GRID2: variants seen among roughly 807,000 people sequenced by gnomAD.
The protein encoded by GRID2 is glutamate ionotropic receptor delta type subunit 2.
A neutral mutation model predicts 114.8 loss-of-function variants in GRID2; 33 were observed. The observed-to-expected ratio is 0.29, with a 90% CI of 0.22 to 0.38. The LOEUF (loss-of-function observed/expected upper bound fraction) is 0.38, where lower values mean the gene tolerates loss of function less well. Ranked by LOEUF, GRID2 falls within the 10% of genes least tolerant of loss-of-function variation. The pLI is 1.00. For missense variants in GRID2, 1,184 were observed against 1,257.7 expected, an observed-to-expected ratio of 0.94 and a Z score of 0.89; for synonymous variants, 505 against 449.9, an observed-to-expected ratio of 1.12 and a Z score of -1.55.
chr4:93,058,709 C>G (rs1360072270), intron 2 of GRID2, among the ~76,000 whole-genome samples: 1 of 151,720 alleles, frequency 6.6e-6, no homozygotes, highest in Non-Finnish European at 1.5e-5. Flanking sequence ...ACTGAATTTT[C>G]TTAAGGCATC....
At chr4:93,531,461 A>G (rs1393024176) in intron 13 of GRID2, among the ~76,000 whole-genome samples, 1 of 152,172 alleles carries the variant, frequency 6.6e-6, no homozygotes, top group African/African-American at 2.4e-5. Context: ...AATTATGCAC[A>G]CAGGACAGGT....
intron 14 of GRID2, among the ~76,000 whole-genome samples, chr4:93,666,215 A>G (rs1723932352): frequency 6.6e-6 from 1 of 152,018 alleles, no homozygotes. Context: ...TGCTAGTTTT[A>G]TTGTGCTAAA....
rs567548872 is a variant in GRID2 at position 93,662,964 on chromosome 4, G to A, written c.2360+36529G>A. Among the ~76,000 whole-genome samples, 33 of 152,304 alleles carry A rather than the reference G, an allele frequency of 2.2e-4. 1 individual carries two copies. In the South Asian group the frequency reaches 6.6e-3, roughly 31 times the overall value. On this transcript the variant is annotated intron_variant, in intron 14 of 15. Coordinates refer to ENST00000282020, the MANE Select transcript of GRID2 (RefSeq NM_001510.4). ...AAAGAAGCAGTCTCCATTAATGGAA[G>A]GCAAGTCCCTTACAAGCATGTTTCT...
chr4:92,655,424 A>G (rs1187854081), intron 2 of GRID2, among the ~76,000 whole-genome samples: 6 of 151,938 alleles, frequency 3.9e-5, no homozygotes, highest in African/African-American at 1.4e-4. Context: ...TATGAAAAAT[A>G]ACTTTTGTGT....
At chr4:92,414,109 T>C (rs1731473506) in intron 1 of GRID2, among the ~76,000 whole-genome samples, 1 of 152,202 alleles carries the variant, frequency 6.6e-6, no homozygotes. Flanking sequence ...GCATCATAAG[T>C]AAGTTTGTAG....
intron 1 of GRID2, among the ~76,000 whole-genome samples, chr4:92,486,225 G>A (rs1022344014): frequency 2.6e-5 from 4 of 151,234 alleles, no homozygotes; most frequent in Non-Finnish European, 4.4e-5. Flanking sequence ...TAGCTGACCG[G>A]TAATCACCTT....
intron 4 of GRID2, among the ~76,000 whole-genome samples, chr4:93,174,545 A>G (rs907547310): frequency 6.6e-6 from 1 of 152,188 alleles, no homozygotes; most frequent in Admixed American, 6.5e-5. Context: ...ATATGACTGT[A>G]TCTGGAGATA....
At chr4:93,073,938 G>A (rs1430126253) in intron 2 of GRID2, among the ~76,000 whole-genome samples, 1 of 152,190 alleles carries the variant, frequency 6.6e-6, no homozygotes. Context: ...CGATAACCTT[G>A]TGCAAAGTAA....
intron 1 of GRID2, among the ~76,000 whole-genome samples, chr4:92,474,721 T>A (rs1275557740): frequency 1.3e-5 from 2 of 152,026 alleles, no homozygotes; most frequent in Non-Finnish European, 2.9e-5. Context: ...GATATCTCAT[T>A]GTAGTTTTGG....
At chr4:92,729,140 T>A (rs959119141) in intron 2 of GRID2, among the ~76,000 whole-genome samples, 2 of 152,022 alleles carry the variant, frequency 1.3e-5, no homozygotes, top group African/African-American at 4.8e-5. Flanking sequence ...AATATTTCAG[T>A]GACTACCTTT....
chr4:93,314,697 T>A (rs1377581192), intron 8 of GRID2, among the ~76,000 whole-genome samples: 1 of 151,832 alleles, frequency 6.6e-6, no homozygotes, highest in Non-Finnish European at 1.5e-5. Flanking sequence ...GAGATATAAT[T>A]GCCAAATAAT....
intron 2 of GRID2, among the ~76,000 whole-genome samples, chr4:92,753,481 T>G (rs72663556): frequency 0.088 from 13,367 of 152,258 alleles, 678 homozygotes; most frequent in African/African-American, 0.14. Context: ...AAAAGCATCC[T>G]TATGCATCCT....
At chr4:92,705,636 T>G (rs1196342101) in intron 2 of GRID2, among the ~76,000 whole-genome samples, 2 of 152,226 alleles carry the variant, frequency 1.3e-5, no homozygotes, top group Non-Finnish European at 2.9e-5. Context: ...ACACTCTGGT[T>G]GCTCAGGGGA....
intron 2 of GRID2, among the ~76,000 whole-genome samples, chr4:92,631,836 G>C (rs892209637): frequency 3.3e-5 from 5 of 152,214 alleles, no homozygotes; most frequent in Non-Finnish European, 7.4e-5. Context: ...TTAGTCGCAA[G>C]AGAAACTGTT....
At chr4:93,191,610 TA>T (rs199962403) in intron 4 of GRID2, among the ~76,000 whole-genome samples, 2 of 152,002 alleles carry the variant, frequency 1.3e-5, no homozygotes, top group Non-Finnish European at 1.5e-5. Flanking sequence ...AGTGTTGTTT[TA>T]AAAAAAATCT....
chr4:92,600,464 C>T (rs1729171837), intron 2 of GRID2, among the ~76,000 whole-genome samples: 1 of 152,044 alleles, frequency 6.6e-6, no homozygotes, highest in Admixed American at 6.6e-5. Context: ...GTTCAGTAAG[C>T]TTTAGTGTTT....
intron 2 of GRID2, among the ~76,000 whole-genome samples, chr4:92,674,424 C>G (rs1733227940): frequency 6.6e-6 from 1 of 152,096 alleles, no homozygotes; most frequent in African/African-American, 2.4e-5. Flanking sequence ...CACCCTATAG[C>G]TTTCTTAATT....
chr4:92,625,210 A>C (rs2149241861), intron 2 of GRID2, among the ~76,000 whole-genome samples: 1 of 151,736 alleles, frequency 6.6e-6, no homozygotes, highest in South Asian at 2.1e-4. Flanking sequence ...TTTTTCTTTA[A>C]TTTAAAAGTT....
chr4:92,430,044 T>C (rs1390651163), intron 1 of GRID2, among the ~76,000 whole-genome samples: 1 of 152,228 alleles, frequency 6.6e-6, no homozygotes, highest in African/African-American at 2.4e-5. Flanking sequence ...TTTTCTCCCA[T>C]TGTGTGAGTT....
Sources: allele counts gnomAD v4.1 joint callset (sites outside exome capture counted in the v4.1 genomes callset), GRCh38; gene constraint gnomAD v4.1.1; transcripts MANE v1.5; gene names NCBI Gene and HGNC (gene_info 2026-07-23, HGNC 2026-07-21).